Variants in CRACR2A observed in about 807,000 individuals in gnomAD.
CRACR2A encodes calcium release activated channel regulator 2A.
A neutral mutation model predicts 90.5 loss-of-function variants in CRACR2A; 79 were observed. That is an observed-to-expected ratio of 0.87 (90% confidence interval 0.73 to 1.05). The LOEUF is 1.05. Among genes scored for constraint, CRACR2A ranks in the 50% least tolerant of loss-of-function variants. The pLI is 0.00. For missense variants in CRACR2A, 823 were observed against 897.2 expected, an observed-to-expected ratio of 0.92 and a Z score of 1.06; for synonymous variants, 338 against 356.7, an observed-to-expected ratio of 0.95 and a Z score of 0.59.
intron 13 of CRACR2A, among the ~76,000 whole-genome samples, chr12:3,638,926 C>T (rs943218292): frequency 5.3e-5 from 8 of 152,370 alleles, no homozygotes; most frequent in Admixed American, 1.3e-4. Context: ...CTGCCCCCAG[C>T]GCCAGCCCTT....
intron 2 of CRACR2A, among the ~76,000 whole-genome samples, chr12:3,713,704 G>A (rs1946041776): frequency 6.6e-6 from 1 of 152,160 alleles, no homozygotes; most frequent in South Asian, 2.1e-4. Context: ...TACACCACAG[G>A]AGCTCACCTT....
intron 1 of CRACR2A, among the ~76,000 whole-genome samples, chr12:3,735,342 G>A (rs73247876): frequency 0.16 from 23,896 of 152,126 alleles, 2,078 homozygotes; most frequent in African/African-American, 0.2. Flanking sequence ...AGAAGGGTGC[G>A]GGGAGACCTG....
intron 4 of CRACR2A, among the ~76,000 whole-genome samples, chr12:3,687,958 C>A (rs147725063): frequency 3.4e-4 from 52 of 152,138 alleles, no homozygotes; most frequent in African/African-American, 1.1e-3. Flanking sequence ...ACCTTTTTTT[C>A]ATATGCTTGT....
At chr12:3,692,367 C>T (rs1006468515) in intron 4 of CRACR2A, among the ~76,000 whole-genome samples, 3 of 152,026 alleles carry the variant, frequency 2.0e-5, no homozygotes, top group African/African-American at 4.8e-5. Context: ...GAGGTGGGTT[C>T]AGCTGACTGG....
chr12:3,639,914 A>G (rs930102233), intron 13 of CRACR2A, among the ~76,000 whole-genome samples: 7 of 152,200 alleles, frequency 4.6e-5, no homozygotes, highest in African/African-American at 1.7e-4. Context: ...GTTTAAGAAC[A>G]CAATTGGTAT....
At chr12:3,735,756 A>T (rs944585987) in intron 1 of CRACR2A, among the ~76,000 whole-genome samples, 2 of 152,208 alleles carry the variant, frequency 1.3e-5, no homozygotes, top group Non-Finnish European at 2.9e-5. Flanking sequence ...TCAGGAGAGA[A>T]GCCCCCGCAG....
At chr12:3,706,181 C>T (rs1443681961) in intron 3 of CRACR2A, among the ~76,000 whole-genome samples, 1 of 152,158 alleles carries the variant, frequency 6.6e-6, no homozygotes, top group Non-Finnish European at 1.5e-5. Flanking sequence ...CATGCCTGTG[C>T]CTCTTCTATA....
intron 3 of CRACR2A, among the ~76,000 whole-genome samples, chr12:3,702,070 T>C (rs1252890144): frequency 6.6e-6 from 1 of 152,172 alleles, no homozygotes; most frequent in Admixed American, 6.5e-5. Flanking sequence ...AACCTTTTGA[T>C]CATCTCAATA....
In CRACR2A at chr12:3,627,593, T is replaced by C; in HGVS notation, c.1817+32A>G. The C allele has an allele frequency of 3.2e-6, 5 of 1,551,560 alleles. No individual in the cohort carries two copies. The South Asian group carries it at 5.9e-5, about 18-fold the overall frequency. ...CGGGTCAGGCATGCACGGCCTTCCC[T>C]CTGGAGCCCAGAACTTCGGGCAGCT... On this transcript the variant is annotated intron_variant, in intron 16 of 19. Transcript: ENST00000440314.
rs956836558 is a variant in CRACR2A at position 3,726,198 on chromosome 12, T to TTA, written c.-118+6742_-118+6743dup. Reference sequence around the variant, plus strand: ...TATAAATACATACTATATGTATATTTTATATATATACGTATATACACAGAG... The same window carrying TTA: ...TATAAATACATACTATATGTATATTTTATATATATATACGTATATACACAGAG... On this transcript the variant is annotated intron_variant, in intron 2 of 19. Coordinates refer to ENST00000440314, the MANE Select transcript of CRACR2A (RefSeq NM_001144958.2). 111 of 149,272 alleles carry TTA rather than the reference T, an allele frequency of 7.4e-4. 1 individual carries two copies. Among genetic ancestry groups the TTA allele is most frequent in the Non-Finnish European group, 1.3e-3 (85 of 67,424 alleles). 9.2% of individuals were successfully genotyped at this position (149,272 alleles called of 1,614,324 possible).
chr12:3,656,552 G>A, intron 8 of CRACR2A, 146 bp from the exon 9 acceptor site: 1 of 696,038 alleles, frequency 1.4e-6, no homozygotes, highest in Non-Finnish European at 2.5e-6. Flanking sequence ...CAGGGCTCTG[G>A]TAACCTGCCT....
intron 15 of CRACR2A, among the ~76,000 whole-genome samples, chr12:3,630,339 T>A (rs997049568): frequency 6.6e-6 from 1 of 152,116 alleles, no homozygotes; most frequent in Non-Finnish European, 1.5e-5. Flanking sequence ...TTAACCTTTC[T>A]CGAGGTGACA....
chr12:3,628,892 G>C (rs1295105929), intron 15 of CRACR2A, among the ~76,000 whole-genome samples: 2 of 152,182 alleles, frequency 1.3e-5, no homozygotes, highest in African/African-American at 4.8e-5. Flanking sequence ...GCAAAGGCTA[G>C]TGCATTAAGA....
chr12:3,681,449 G>A (rs900224995), intron 4 of CRACR2A, among the ~76,000 whole-genome samples: 1 of 152,246 alleles, frequency 6.6e-6, no homozygotes, highest in African/African-American at 2.4e-5. Flanking sequence ...CAAAGCAGCT[G>A]AGCTGTTGCT....
chr12:3,706,987 C>T (rs546623529), intron 3 of CRACR2A, among the ~76,000 whole-genome samples: 15 of 151,910 alleles, frequency 9.9e-5, no homozygotes, highest in South Asian at 4.2e-4. Flanking sequence ...AATAAAAGAA[C>T]GAAAAACAAA....
In CRACR2A at chr12:3,676,099, A is replaced by ACCATCCAT. The variant is rs55661360; in HGVS notation, c.525-2515_525-2508dup. On this transcript the variant is annotated intron_variant, in intron 6 of 19. Transcript: ENST00000440314. ...TCCAAACATCCGCGTACTTATTTAG[A>ACCATCCAT]CCATCCATCCATCCATCCATCCACC... 7.6e-3 allele frequency among the ~76,000 whole-genome samples: 1,143 copies of ACCATCCAT among 150,986 alleles called. 21 individuals are homozygous for ACCATCCAT. The highest frequency in any genetic ancestry group is 0.025 in the African/African-American group (1,029 of 41,106).
intron 1 of CRACR2A, among the ~76,000 whole-genome samples, chr12:3,748,805 C>T (rs1291112521): frequency 2.6e-5 from 4 of 152,202 alleles, no homozygotes; most frequent in Admixed American, 2.6e-4. Context: ...GAGGGTTGTC[C>T]TCCCCCTCAC....
intron 2 of CRACR2A, chr12:3,728,152 C>T (rs1163905796): frequency 2.0e-5 from 3 of 152,196 alleles, no homozygotes; most frequent in African/African-American, 7.2e-5. Context: ...AACCTGAAAA[C>T]CACTCGTTTC....
At chr12:3,628,481 C>T (rs1011070019) in intron 15 of CRACR2A, among the ~76,000 whole-genome samples, 1 of 152,124 alleles carries the variant, frequency 6.6e-6, no homozygotes, top group Admixed American at 6.5e-5. Flanking sequence ...CCTAATCCTA[C>T]CACTGGGCTG....
Sources: gnomAD v4.1 joint callset for allele counts (sites outside exome capture counted in the v4.1 genomes callset) on GRCh38, gnomAD v4.1.1 for gene constraint, MANE v1.5 for transcripts, NCBI Gene and HGNC (gene_info 2026-07-23, HGNC 2026-07-21) for gene names.